RXFP1: variants seen among roughly 807,000 people sequenced by gnomAD.
RXFP1 encodes relaxin family peptide receptor 1.
Under a neutral mutation model 89.8 loss-of-function variants are expected in RXFP1, and 73 were observed. That is an observed-to-expected ratio of 0.81 (90% CI 0.67 to 0.99). The LOEUF is 0.99. RXFP1 is among the 50% of genes least tolerant of loss of function. The probability of loss-of-function intolerance (pLI) is 0.00; values close to 1 mark genes in which losing one functional copy is unlikely to be tolerated. For missense variants in RXFP1, 793 were observed against 895.5 expected, an observed-to-expected ratio of 0.89 and a Z score of 1.46; for synonymous variants, 277 against 305.5, an observed-to-expected ratio of 0.91 and a Z score of 0.97.
chr4:158,583,067 G>A (rs1579815435), intron 2 of RXFP1, among the ~76,000 whole-genome samples: 1 of 152,218 alleles, frequency 6.6e-6, no homozygotes, highest in Admixed American at 6.5e-5. Flanking sequence ...AGCAGAAAGT[G>A]CAAGGAATTT....
chr4:158,544,084 T>G (rs1747556067), intron 1 of RXFP1: 1 of 980,804 alleles, frequency 1.0e-6, no homozygotes. Context: ...AGAGAAGAAC[T>G]AACAAGAGAA....
intron 1 of RXFP1, among the ~76,000 whole-genome samples, chr4:158,524,056 G>A (rs1291689501): frequency 3.3e-5 from 5 of 152,148 alleles, no homozygotes; most frequent in Admixed American, 6.5e-5. Flanking sequence ...ATGTGAAATG[G>A]CAATCAAATC....
chr4:158,637,059 T>G (rs976985205), intron 12 of RXFP1, among the ~76,000 whole-genome samples: 4 of 152,210 alleles, frequency 2.6e-5, no homozygotes, highest in African/African-American at 9.6e-5. Context: ...TTCATGTTGT[T>G]GCAAATGACA....
At chr4:158,569,704 T>A (rs545041907) in intron 1 of RXFP1, among the ~76,000 whole-genome samples, 14 of 152,238 alleles carry the variant, frequency 9.2e-5, no homozygotes, top group Non-Finnish European at 1.8e-4. Context: ...TCCTTAAGTT[T>A]GTCTCCTCTA....
intron 2 of RXFP1, among the ~76,000 whole-genome samples, chr4:158,587,640 G>A (rs898003099): frequency 2.0e-5 from 3 of 152,148 alleles, no homozygotes; most frequent in African/African-American, 7.2e-5. Flanking sequence ...CTTTGGCCTA[G>A]AAAAGAAATA....
chr4:158,634,108 A>G (rs1768649134), intron 12 of RXFP1, among the ~76,000 whole-genome samples: 1 of 152,122 alleles, frequency 6.6e-6, no homozygotes, highest in Admixed American at 6.5e-5. Context: ...TCTGTTTTCC[A>G]TAGGAGTTTA....
At position 158,570,872 on chromosome 4, in the gene RXFP1, T is replaced by C. The variant is rs558896423; in HGVS notation, c.50-1826T>C. On this transcript the variant is annotated intron_variant, in intron 1 of 17. Coordinates refer to ENST00000307765, the MANE Select transcript of RXFP1 (RefSeq NM_021634.4). ...CTCAGCTCATGTCACTTGTCCCTGC[T>C]CACTGGGCTCCATCACCACAACCCT... is the stretch of plus-strand genomic sequence containing the variant. Among the ~76,000 whole-genome samples, 11 of 152,282 alleles carry C rather than the reference T, an allele frequency of 7.2e-5. No individual in the cohort carries two copies. The East Asian group carries it at 7.7e-4, about 11-fold the overall frequency.
chr4:158,542,109 A>ATATATATATATATATATATATATTTTT, intron 1 of RXFP1, among the ~76,000 whole-genome samples: 9 of 35,234 alleles, frequency 2.6e-4, no homozygotes, highest in Non-Finnish European at 3.9e-4. Context: ...ATATATATAT[A>ATATATATATATATATATATATATTTTT]TTTTTTTTTT....
At chr4:158,588,761 G>T (rs757496225) in intron 2 of RXFP1, among the ~76,000 whole-genome samples, 6 of 152,294 alleles carry the variant, frequency 3.9e-5, no homozygotes, top group Non-Finnish European at 8.8e-5. Flanking sequence ...TCCATGACAG[G>T]TTCCTTGCAG....
At chr4:158,567,390 T>C (rs1753819202) in intron 1 of RXFP1, among the ~76,000 whole-genome samples, 1 of 152,216 alleles carries the variant, frequency 6.6e-6, no homozygotes, top group African/African-American at 2.4e-5. Flanking sequence ...TTGGAGAATC[T>C]TTATGTCTAG....
In RXFP1 at chr4:158,568,219, C is replaced by G. The variant is rs541194222; in HGVS notation, c.50-4479C>G. On this transcript the variant is annotated intron_variant, in intron 1 of 17. Transcript: ENST00000307765. ...TCGCTGCTTCTAAGAACTGTTAACA[C>G]TCAACGCGAGGGTCTGCGGCTTCAT... Among the ~76,000 whole-genome samples, 4 of 152,314 alleles carry G rather than the reference C, an allele frequency of 2.6e-5. No homozygotes were observed. The South Asian group carries it at 6.2e-4, about 24-fold the overall frequency.
chr4:158,523,728 C>T (rs7698694), intron 1 of RXFP1, among the ~76,000 whole-genome samples: 30,667 of 152,050 alleles, frequency 0.2, 4,102 homozygotes, highest in African/African-American at 0.37. Flanking sequence ...TTGTCAGGGA[C>T]GCCCTGAAAT....
intron 1 of RXFP1, among the ~76,000 whole-genome samples, chr4:158,526,151 G>A (rs1371189518): frequency 2.0e-5 from 3 of 152,224 alleles, no homozygotes; most frequent in Non-Finnish European, 4.4e-5. Context: ...CTCCTCTAAT[G>A]AGCTGGTGCT....
At chr4:158,526,580 A>G (rs1398496089) in intron 1 of RXFP1, among the ~76,000 whole-genome samples, 3 of 152,228 alleles carry the variant, frequency 2.0e-5, no homozygotes, top group Admixed American at 6.5e-5. Flanking sequence ...TGGAAAAAGG[A>G]CAGTGTAAAG....
At chr4:158,605,241 G>C in intron 5 of RXFP1, 102 bp downstream of exon 5, 1 of 557,990 alleles carries the variant, frequency 1.8e-6, no homozygotes, top group East Asian at 3.0e-5. Context: ...CGCTGCTTGT[G>C]TCTAATCCCT....
chr4:158,604,382 A>G (rs1762211164), intron 4 of RXFP1, among the ~76,000 whole-genome samples: 1 of 152,132 alleles, frequency 6.6e-6, no homozygotes, highest in South Asian at 2.1e-4. Flanking sequence ...ATCCCCAGCT[A>G]CACTGGTTTT....
intron 3 of RXFP1, among the ~76,000 whole-genome samples, chr4:158,598,677 C>T (rs1422936701): frequency 6.6e-6 from 1 of 152,136 alleles, no homozygotes; most frequent in Non-Finnish European, 1.5e-5. Context: ...ACACCTCATT[C>T]TCCCTCTCTT....
chr4:158,567,868 G>A (rs1262507891), intron 1 of RXFP1, among the ~76,000 whole-genome samples: 2 of 152,320 alleles, frequency 1.3e-5, no homozygotes, highest in African/African-American at 2.4e-5. Context: ...GGCTGCCCAA[G>A]TCAGCAGTGG....
At chr4:158,623,686 T>TTAA (rs1766125307) in intron 9 of RXFP1, among the ~76,000 whole-genome samples, 1 of 152,106 alleles carries the variant, frequency 6.6e-6, no homozygotes, top group South Asian at 2.1e-4. Flanking sequence ...CTAGCTAAAA[T>TTAA]ACTACATTCC....
Sources: allele counts gnomAD v4.1 joint callset (sites outside exome capture counted in the v4.1 genomes callset), GRCh38; gene constraint gnomAD v4.1.1; transcripts MANE v1.5; gene names NCBI Gene and HGNC (gene_info 2026-07-23, HGNC 2026-07-21).